Variants in DOCK5 observed in about 807,000 individuals in gnomAD.
DOCK5 encodes dedicator of cytokinesis 5, also known as dedicator of cytokinesis protein 5.
A neutral mutation model predicts 251.8 loss-of-function variants in DOCK5; 142 were observed. The ratio of observed to expected loss-of-function variants is 0.56; its 90% confidence interval spans 0.49 to 0.65. The LOEUF is 0.65. DOCK5 is among the 30% of genes least tolerant of loss of function. The probability of loss-of-function intolerance (pLI) is 0.00; values close to 1 mark genes in which losing one functional copy is unlikely to be tolerated. For missense variants in DOCK5, 2,111 were observed against 2,312.3 expected, an observed-to-expected ratio of 0.91 and a Z score of 1.79; for synonymous variants, 842 against 835.5, an observed-to-expected ratio of 1.01 and a Z score of -0.13.
intron 6 of DOCK5, among the ~76,000 whole-genome samples, chr8:25,293,778 C>G (rs1379216993): frequency 6.6e-6 from 1 of 152,052 alleles, no homozygotes; most frequent in Non-Finnish European, 1.5e-5. Context: ...CTGAGGTGGG[C>G]AGATCACCAG....
At chr8:25,269,820 G>A (rs1377087457) in intron 3 of DOCK5, among the ~76,000 whole-genome samples, 2 of 152,140 alleles carry the variant, frequency 1.3e-5, no homozygotes, top group Non-Finnish European at 2.9e-5. Context: ...TGAGAGAAAC[G>A]TTTTAGAATT....
intron 2 of DOCK5, among the ~76,000 whole-genome samples, chr8:25,246,426 G>A (rs985756124): frequency 2.6e-5 from 4 of 151,942 alleles, no homozygotes; most frequent in Non-Finnish European, 4.4e-5. Context: ...GACACCCGCC[G>A]CCATGCCTGG....
At chr8:25,256,909 CTTTCTT>C (rs1276478057) in intron 2 of DOCK5, among the ~76,000 whole-genome samples, 4 of 150,366 alleles carry the variant, frequency 2.7e-5, no homozygotes, top group African/African-American at 4.9e-5. Flanking sequence ...TTTTGGTCCT[CTTTCTT>C]TTAAAGTCAT....
intron 35 of DOCK5, 86 bp from the exon 36 acceptor site, chr8:25,373,532 A>G (rs1284271000): frequency 4.5e-6 from 6 of 1,321,448 alleles, no homozygotes; most frequent in Admixed American, 4.7e-5. Context: ...GAAACTTTTG[A>G]AAAGCAACAA....
rs1021939373 is a variant in DOCK5 at position 25,366,798 on chromosome 8, A to G, written c.3124-72A>G. 2.8e-5 allele frequency: 32 copies of G among 1,126,406 alleles called. No homozygotes were observed. The South Asian group carries it at 3.6e-4, about 13-fold the overall frequency. The allele number at this position is 1,126,406 out of a possible 1,614,324, so 69.8% of individuals were successfully genotyped here. ...CTTGTTAATGACTTTTTACCATGTG[A>G]CATTGTTTTATTATGGCCCTTATTA... is the stretch of plus-strand genomic sequence containing the variant. On this transcript the variant is annotated intron_variant, in intron 30 of 51. Transcript: ENST00000276440.
chr8:25,408,019 G>T lies in DOCK5; in HGVS notation c.5130G>T (p.Ser1710=). 6.2e-7 allele frequency: 1 copy of T among 1,612,788 alleles called. No homozygotes were observed. The highest frequency in any genetic ancestry group is 1.1e-5 in the South Asian group (1 of 90,648). The change falls in exon 49 of 52, where the codon TCG becomes TCT. Residue 1710 remains serine, a synonymous_variant. Transcript: ENST00000276440. ...ILEPLLERRA[S]SGARVEDLSL... ...AGCCACTTTTGGAGCGCAGGGCCTC[G>T]TCAGGTGCCAGAGTTGAAGATCTGT...
chr8:25,217,442 A>G (rs986119930), intron 1 of DOCK5, among the ~76,000 whole-genome samples: 1 of 152,074 alleles, frequency 6.6e-6, no homozygotes, highest in East Asian at 1.9e-4. Flanking sequence ...TGAAGTTACT[A>G]CCCCTGGGAC....
At chr8:25,349,789 G>A (rs758130521) in intron 26 of DOCK5, among the ~76,000 whole-genome samples, 10 of 152,066 alleles carry the variant, frequency 6.6e-5, no homozygotes, top group Non-Finnish European at 1.3e-4. Context: ...GTGGGTGAGC[G>A]ATAAAAGACT....
At chr8:25,284,766 T>C (rs2117139579) in intron 5 of DOCK5, among the ~76,000 whole-genome samples, 1 of 152,374 alleles carries the variant, frequency 6.6e-6, no homozygotes, top group South Asian at 2.1e-4. Flanking sequence ...CAGTTATACT[T>C]TTTGAATATA....
At chr8:25,354,063 AAC>A (rs1800522528) in intron 27 of DOCK5, among the ~76,000 whole-genome samples, 6 of 137,870 alleles carry the variant, frequency 4.4e-5, no homozygotes, top group African/African-American at 1.3e-4. Context: ...CAAAAAAAAA[AAC>A]GTAGGAGAGA....
chr8:25,299,087 G>A lies in DOCK5; in HGVS notation c.750G>A (p.Gln250=), dbSNP rs774014303. ...ELFMALYDPD[Q]STFISENYLI... ...TTATGGCCCTCTACGACCCAGACCA[G>A]TCCACTTTTATCAGGTAGCAGAGAC... The change falls in exon 8 of 52, where the codon CAG becomes CAA. Residue 250 remains glutamine, a synonymous_variant. Transcript: ENST00000276440. 10 of 1,613,104 alleles carry A rather than the reference G, an allele frequency of 6.2e-6. No individual in the cohort carries two copies. In the Admixed American group the frequency reaches 1.3e-4, roughly 22 times the overall value.
At chr8:25,257,151 G>A (rs1375283078) in intron 2 of DOCK5, among the ~76,000 whole-genome samples, 2 of 151,964 alleles carry the variant, frequency 1.3e-5, no homozygotes, top group Non-Finnish European at 2.9e-5. Flanking sequence ...TCCAAATAGA[G>A]CCCCCCACAG....
At chr8:25,354,297 A>G (rs1406013718) in intron 27 of DOCK5, among the ~76,000 whole-genome samples, 2 of 152,200 alleles carry the variant, frequency 1.3e-5, no homozygotes, top group East Asian at 3.8e-4. Context: ...AAGAAAAGAC[A>G]ATGTACCATT....
chr8:25,265,119 A>C (rs1374854784), intron 2 of DOCK5, among the ~76,000 whole-genome samples: 3 of 151,668 alleles, frequency 2.0e-5, no homozygotes, highest in Non-Finnish European at 4.4e-5. Flanking sequence ...CATGGCATAT[A>C]ATACCTGTGT....
intron 1 of DOCK5, among the ~76,000 whole-genome samples, chr8:25,213,743 AT>A (rs946997689): frequency 6.6e-6 from 1 of 152,186 alleles, no homozygotes; most frequent in African/African-American, 2.4e-5. Flanking sequence ...TCACAAACGC[AT>A]TTGTTCTTGG....
chr8:25,259,628 TA>T (rs869222973), intron 2 of DOCK5, among the ~76,000 whole-genome samples: 4 of 151,956 alleles, frequency 2.6e-5, no homozygotes, highest in Admixed American at 2.0e-4. Flanking sequence ...CTGGCTGATT[TA>T]AAAAAAATTT....
intron 26 of DOCK5, among the ~76,000 whole-genome samples, chr8:25,346,448 C>T (rs946400784): frequency 6.6e-6 from 1 of 152,202 alleles, no homozygotes; most frequent in African/African-American, 2.4e-5. Context: ...CTCTTGGACA[C>T]TGATACTTTC....
chr8:25,375,141 TTTGA>T lies in DOCK5; in HGVS notation c.3816+491_3816+494del, dbSNP rs558340927. 295 of 364,066 alleles carry T rather than the reference TTTGA, an allele frequency of 8.1e-4. 1 individual carries two copies. The highest frequency in any genetic ancestry group is 5.5e-3 in the African/African-American group (250 of 45,068). 22.6% of individuals were successfully genotyped at this position (364,066 alleles called of 1,614,324 possible). A position where few individuals can be genotyped will look rare whatever the true frequency, so the allele number is the denominator to read the frequency against. The stretch of plus-strand genomic sequence containing the variant: ...TCTAACTTTGGATTTACATATAAAC[TTTGA>T]TTGGCCAATATGCAGCTCAAACTGA... On this transcript the variant is annotated intron_variant, in intron 37 of 51. Coordinates refer to ENST00000276440, the MANE Select transcript of DOCK5 (RefSeq NM_024940.8).
At chr8:25,314,893 G>GTC (rs1243083943) in intron 13 of DOCK5, among the ~76,000 whole-genome samples, 1 of 150,618 alleles carries the variant, frequency 6.6e-6, no homozygotes. Flanking sequence ...GGACTCTCAA[G>GTC]TCTCTCTCTC....
Sources: allele counts gnomAD v4.1 joint callset (sites outside exome capture counted in the v4.1 genomes callset), GRCh38; gene constraint gnomAD v4.1.1; transcripts MANE v1.5; gene names NCBI Gene and HGNC (gene_info 2026-07-23, HGNC 2026-07-21).